The following DIP2C variants were observed in gnomAD, a reference collection of about 807,000 sequenced individuals.
The protein encoded by DIP2C is disco-interacting protein 2 homolog C.
In DIP2C, 33 loss-of-function variants were observed where a neutral mutation model predicts 192.4. The observed-to-expected ratio is 0.17, with a 90% CI of 0.13 to 0.23. The LOEUF is 0.23. Among genes scored for constraint, DIP2C ranks in the 10% least tolerant of loss-of-function variants. The probability of loss-of-function intolerance (pLI) is 1.00; values close to 1 mark genes in which losing one functional copy is unlikely to be tolerated. For synonymous variants in DIP2C, 979 were observed against 864.1 expected (o/e 1.13, Z -2.33); for missense variants, 1,537 against 2,110.1 (o/e 0.73, Z 5.32).
At chr10:671,737 G>A (rs1830652604) in intron 1 of DIP2C, among the ~76,000 whole-genome samples, 1 of 112,752 alleles carries the variant, frequency 8.9e-6, no homozygotes, top group Non-Finnish European at 1.7e-5. Flanking sequence ...ACGCACGGAC[G>A]GAGGAAACGT....
chr10:483,443 G>A (rs1302284130), intron 2 of DIP2C, among the ~76,000 whole-genome samples: 2 of 152,234 alleles, frequency 1.3e-5, no homozygotes, highest in African/African-American at 4.8e-5. Flanking sequence ...CGTGTCACAA[G>A]CAACGTCTCC....
chr10:379,534 C>T (rs1962130776), intron 17 of DIP2C, among the ~76,000 whole-genome samples: 1 of 152,158 alleles, frequency 6.6e-6, no homozygotes, highest in African/African-American at 2.4e-5. Context: ...CCCAGATGTC[C>T]ATGCTTGGCC....
At chr10:309,108 C>T (rs1021976439) in intron 32 of DIP2C, among the ~76,000 whole-genome samples, 3 of 152,238 alleles carry the variant, frequency 2.0e-5, no homozygotes, top group Admixed American at 1.3e-4. Context: ...GGCACCTCTA[C>T]AGTCACCAAG....
chr10:367,493 C>A (rs541697296), intron 18 of DIP2C, among the ~76,000 whole-genome samples: 134 of 151,936 alleles, frequency 8.8e-4, no homozygotes, highest in East Asian at 7.7e-4. Flanking sequence ...AAACAAAAGT[C>A]AGGTAACACG....
rs1303789461 is a variant in DIP2C at position 423,044 on chromosome 10, A to C, written c.395-11T>G. ...AGCCAGAAGAGGTATCTGTGTAAGA[A>C]GAAAGGTGATTTGCTGTATGTTGCA... is the stretch of plus-strand genomic sequence containing the variant. On this transcript the variant is annotated splice_polypyrimidine_tract_variant and intron_variant, in intron 4 of 36. Transcript: ENST00000280886. 6.3e-7 allele frequency: 1 copy of C among 1,590,424 alleles called. No individual in the cohort carries two copies. Among genetic ancestry groups the C allele is most frequent in the Admixed American group, 1.7e-5 (1 of 57,578 alleles).
At chr10:435,339 C>A (rs927790321) in intron 4 of DIP2C, among the ~76,000 whole-genome samples, 1 of 152,180 alleles carries the variant, frequency 6.6e-6, no homozygotes, top group Non-Finnish European at 1.5e-5. Context: ...AAAATGATTC[C>A]TATTCTCCGT....
intron 3 of DIP2C, among the ~76,000 whole-genome samples, chr10:460,606 G>C (rs1026669673): frequency 6.6e-6 from 1 of 152,166 alleles, no homozygotes; most frequent in African/African-American, 2.4e-5. Context: ...TTGATGGGGA[G>C]AATGGAACAA....
chr10:453,359 C>G (rs899358861), intron 3 of DIP2C, among the ~76,000 whole-genome samples: 2 of 152,190 alleles, frequency 1.3e-5, no homozygotes, highest in African/African-American at 4.8e-5. Flanking sequence ...GCAGCGGAGT[C>G]AACAGACATG....
intron 34 of DIP2C, 117 bp from the exon 35 acceptor site, chr10:283,563 G>T: frequency 7.9e-7 from 1 of 1,262,904 alleles, no homozygotes; most frequent in East Asian, 2.4e-5. Flanking sequence ...CGTTTCCTTG[G>T]ACTGAATAAC....
intron 16 of DIP2C, 92 bp downstream of exon 16, chr10:383,932 TAAA>T (rs1006798893): frequency 2.1e-4 from 276 of 1,307,774 alleles, no homozygotes; most frequent in African/African-American, 4.3e-4. Context: ...GGGGAAAAAA[TAAA>T]AAAGACTTCA....
intron 1 of DIP2C, among the ~76,000 whole-genome samples, chr10:579,560 T>G (rs1045657364): frequency 6.6e-6 from 1 of 151,998 alleles, no homozygotes; most frequent in Non-Finnish European, 1.5e-5. Context: ...CATACATAGG[T>G]ACACTATAAC....
At chr10:302,906 T>C (rs2380150) in intron 32 of DIP2C, among the ~76,000 whole-genome samples, 118,294 of 151,802 alleles carry the variant, frequency 0.78, 46,945 homozygotes, top group Non-Finnish European at 0.85. Flanking sequence ...CACGTGGCTG[T>C]AGACTCTGTA....
rs1173875364 is a variant in DIP2C, at chr10:336,107, G to A, written c.3584+5092C>T. On this transcript the variant is annotated intron_variant, in intron 29 of 36. Transcript: ENST00000280886. Reference sequence around the variant, plus strand: ...TTGTAGGCTAGGTGTGGTGGTTCATGCCTATAATTCCAACACTTTGGGAGG... The same window carrying A: ...TTGTAGGCTAGGTGTGGTGGTTCATACCTATAATTCCAACACTTTGGGAGG... 5.3e-5 allele frequency among the ~76,000 whole-genome samples: 8 copies of A among 152,256 alleles called. No individual in the cohort carries two copies. In the East Asian group the frequency reaches 9.7e-4, roughly 18 times the overall value.
At chr10:433,522 G>GA (rs1017434601) in intron 4 of DIP2C, among the ~76,000 whole-genome samples, 199 of 148,610 alleles carry the variant, frequency 1.3e-3, no homozygotes, top group African/African-American at 3.3e-3. Flanking sequence ...ACAAAAATAG[G>GA]AAAAAAAAAA....
intron 1 of DIP2C, among the ~76,000 whole-genome samples, chr10:519,815 G>A (rs895896300): frequency 1.3e-5 from 2 of 152,248 alleles, no homozygotes; most frequent in Admixed American, 6.5e-5. Flanking sequence ...GTGACGTGGA[G>A]ACAGATCCCA....
intron 9 of DIP2C, among the ~76,000 whole-genome samples, chr10:407,379 G>A (rs1179510405): frequency 6.6e-6 from 1 of 152,066 alleles, no homozygotes; most frequent in African/African-American, 2.4e-5. Context: ...TGTGTGAGTC[G>A]GCTGCTATGA....
chr10:421,288 G>A (rs1295063180), intron 5 of DIP2C, among the ~76,000 whole-genome samples: 1 of 152,176 alleles, frequency 6.6e-6, no homozygotes, highest in East Asian at 1.9e-4. Flanking sequence ...CTCCAGTACT[G>A]CAAGGGTAAA....
At chr10:318,191 A>G (rs554045689) in intron 31 of DIP2C, among the ~76,000 whole-genome samples, 1 of 152,324 alleles carries the variant, frequency 6.6e-6, no homozygotes, top group South Asian at 2.1e-4. Context: ...TGGTCACCAT[A>G]CATCTCAACC....
chr10:612,094 G>A (rs368668319), intron 1 of DIP2C, among the ~76,000 whole-genome samples: 6 of 152,214 alleles, frequency 3.9e-5, no homozygotes, highest in East Asian at 1.9e-4. Context: ...TCAGGAGTTC[G>A]AGACAGCCTG....
Sources: gnomAD v4.1 joint callset for allele counts (sites outside exome capture counted in the v4.1 genomes callset) on GRCh38, gnomAD v4.1.1 for gene constraint, MANE v1.5 for transcripts, NCBI Gene and HGNC (gene_info 2026-07-23, HGNC 2026-07-21) for gene names.